TNNI3K: variants seen among roughly 807,000 people sequenced by gnomAD.
TNNI3K encodes the protein TNNI3 interacting kinase, also known as serine/threonine-protein kinase TNNI3K.
A neutral mutation model predicts 114.5 loss-of-function variants in TNNI3K; 140 were observed. The observed-to-expected ratio is 1.22, with a 90% confidence interval of 1.07 to 1.41. TNNI3K has a LOEUF of 1.41. Among genes scored for constraint, TNNI3K ranks in the 40% most tolerant of loss-of-function variants. The pLI is 0.00. For synonymous variants in TNNI3K, 347 were observed against 347.5 expected, an observed-to-expected ratio of 1.00 and a Z score of 0.02; for missense variants, 1,125 against 1,007.6, an observed-to-expected ratio of 1.12 and a Z score of -1.58.
At chr1:74,434,446 A>G (rs1480741465) in intron 17 of TNNI3K, among the ~76,000 whole-genome samples, 2 of 151,950 alleles carry the variant, frequency 1.3e-5, no homozygotes, top group Non-Finnish European at 2.9e-5. Context: ...GTTCACCACT[A>G]TATCCCAGTA....
At chr1:74,437,946 T>C (rs980350934) in intron 19 of TNNI3K, among the ~76,000 whole-genome samples, 6 of 151,806 alleles carry the variant, frequency 4.0e-5, no homozygotes, top group Admixed American at 3.9e-4. Flanking sequence ...AATAAGCTTT[T>C]GTTGAATGTA....
intron 5 of TNNI3K, 91 bp downstream of exon 5, chr1:74,271,799 T>C: frequency 8.9e-7 from 1 of 1,123,698 alleles, no homozygotes; most frequent in Non-Finnish European, 1.3e-6. Context: ...TCTTTGAGAC[T>C]TTACAAGTTG....
At chr1:74,244,479 A>G (rs940112787) in intron 2 of TNNI3K, among the ~76,000 whole-genome samples, 2 of 152,022 alleles carry the variant, frequency 1.3e-5, no homozygotes, top group Non-Finnish European at 2.9e-5. Context: ...TATGTAAATG[A>G]TAAACATTCA....
intron 23 of TNNI3K, among the ~76,000 whole-genome samples, chr1:74,531,356 T>G (rs1343487561): frequency 6.6e-6 from 1 of 152,216 alleles, no homozygotes; most frequent in East Asian, 1.9e-4. Flanking sequence ...ACTGATAAAT[T>G]AGCAAATGGC....
At chr1:74,445,835 C>T (rs1396131730) in intron 20 of TNNI3K, among the ~76,000 whole-genome samples, 1 of 152,058 alleles carries the variant, frequency 6.6e-6, no homozygotes, top group East Asian at 1.9e-4. Context: ...TGGTCTCGAT[C>T]TCCTGACCTC....
chr1:74,445,612 C>CTTTTTT lies in TNNI3K; in HGVS notation c.2011+5992_2011+5997dup, dbSNP rs773728606. On this transcript the variant is annotated intron_variant, in intron 20 of 24. Transcript: ENST00000326637. Reference sequence around the variant, plus strand: ...ATATGTTCCACATTTTCTTTTTTTTCTTTTTTTCTTTTTTTTGAGACGGAG... The same window carrying CTTTTTT: ...ATATGTTCCACATTTTCTTTTTTTTCTTTTTTTTTTTTTCTTTTTTTTGAGACGGAG... 2.3e-5 allele frequency among the ~76,000 whole-genome samples: 3 copies of CTTTTTT among 131,446 alleles called. 1 individual carries two copies. The highest frequency in any genetic ancestry group is 4.8e-5 in the Non-Finnish European group (3 of 62,702). 86.2% of individuals were successfully genotyped at this position (131,446 alleles called of 152,430 possible).
At chr1:74,473,721 T>G (rs959830134) in intron 21 of TNNI3K, among the ~76,000 whole-genome samples, 1 of 152,048 alleles carries the variant, frequency 6.6e-6, no homozygotes, top group African/African-American at 2.4e-5. Flanking sequence ...TGGGTGACCT[T>G]GGAGAAGCTG....
intron 21 of TNNI3K, chr1:74,483,355 C>G: frequency 1.4e-6 from 1 of 717,266 alleles, no homozygotes. Flanking sequence ...AACATGATGG[C>G]AAAGAGTACC....
chr1:74,509,559 T>G (rs1228117840), intron 23 of TNNI3K, among the ~76,000 whole-genome samples: 2 of 152,082 alleles, frequency 1.3e-5, no homozygotes, highest in African/African-American at 4.8e-5. Flanking sequence ...TTCAATAATA[T>G]TTTATCAGAT....
chr1:74,362,338 G>A (rs1662011678), intron 11 of TNNI3K, among the ~76,000 whole-genome samples: 1 of 152,136 alleles, frequency 6.6e-6, no homozygotes, highest in South Asian at 2.1e-4. Flanking sequence ...TTGATGACCT[G>A]AGCATGTGAG....
At chr1:74,252,784 G>A (rs566241756) in intron 4 of TNNI3K, among the ~76,000 whole-genome samples, 7 of 152,196 alleles carry the variant, frequency 4.6e-5, no homozygotes, top group African/African-American at 9.6e-5. Flanking sequence ...AGACCTTCGC[G>A]GTGAGTGTTA....
intron 4 of TNNI3K, 126 bp downstream of exon 4, chr1:74,250,895 A>G: frequency 1.4e-6 from 1 of 718,886 alleles, no homozygotes; most frequent in Non-Finnish European, 2.1e-6. Context: ...GCGTTACATT[A>G]CTAAAGGACT....
At chr1:74,511,060 G>T (rs886260397) in intron 23 of TNNI3K, among the ~76,000 whole-genome samples, 1 of 152,060 alleles carries the variant, frequency 6.6e-6, no homozygotes, top group African/African-American at 2.4e-5. Flanking sequence ...GCTAATGTTT[G>T]TATCTTTAGT....
At chr1:74,349,857 C>T (rs991548804) in intron 9 of TNNI3K, among the ~76,000 whole-genome samples, 2 of 150,390 alleles carry the variant, frequency 1.3e-5, no homozygotes, top group Non-Finnish European at 3.0e-5. Flanking sequence ...TTGATTCTTC[C>T]CTCTTTCCTT....
In TNNI3K at chr1:74,411,820, C is replaced by CAGTG. The variant is rs144550992; in HGVS notation, c.1773-24258_1773-24255dup. 2.0e-5 allele frequency among the ~76,000 whole-genome samples: 3 copies of CAGTG among 152,182 alleles called. No homozygotes were observed. In the East Asian group the frequency reaches 5.8e-4, roughly 29 times the overall value. On this transcript the variant is annotated intron_variant, in intron 17 of 24. Transcript: ENST00000326637. Reference sequence around the variant, plus strand: ...ATTGAGGAGGAAGAAGAAATAGAGACAGTGAATTTGAATCTTCTCTTGAAG... The same window carrying CAGTG: ...ATTGAGGAGGAAGAAGAAATAGAGACAGTGAGTGAATTTGAATCTTCTCTTGAAG...
chr1:74,415,675 ATATT>A (rs1213115550), intron 17 of TNNI3K, among the ~76,000 whole-genome samples: 1 of 151,314 alleles, frequency 6.6e-6, no homozygotes, highest in African/African-American at 2.4e-5. Context: ...TATGCTTTAT[ATATT>A]TATACTTTTT....
chr1:74,304,326 C>G (rs934106191), intron 5 of TNNI3K, among the ~76,000 whole-genome samples: 7 of 152,130 alleles, frequency 4.6e-5, no homozygotes, highest in Admixed American at 3.9e-4. Context: ...TCAGCAACAC[C>G]CACATCAGCA....
intron 23 of TNNI3K, among the ~76,000 whole-genome samples, chr1:74,533,320 A>G (rs1391157828): frequency 6.6e-6 from 1 of 152,236 alleles, no homozygotes; most frequent in Non-Finnish European, 1.5e-5. Context: ...AATGCTCACC[A>G]TCACTGGCCA....
chr1:74,265,790 A>T (rs1467423339), intron 4 of TNNI3K, among the ~76,000 whole-genome samples: 1 of 151,042 alleles, frequency 6.6e-6, no homozygotes, highest in Non-Finnish European at 1.5e-5. Flanking sequence ...AGGTTAAGAA[A>T]CATGTCGCAA....
Sources: gnomAD v4.1 joint callset for allele counts (sites outside exome capture counted in the v4.1 genomes callset) on GRCh38, gnomAD v4.1.1 for gene constraint, MANE v1.5 for transcripts, NCBI Gene and HGNC (gene_info 2026-07-23, HGNC 2026-07-21) for gene names.